PLD1: variants seen among roughly 807,000 people sequenced by gnomAD.
PLD1 encodes the protein choline phosphatase 1.
Under a neutral mutation model 137.1 loss-of-function variants are expected in PLD1, and 112 were observed. That is an observed-to-expected ratio of 0.82 (90% CI 0.70 to 0.96). The LOEUF is 0.96. Ranked by LOEUF, PLD1 falls within the 40% of genes least tolerant of loss-of-function variation. The pLI is 0.00. For missense variants in PLD1, 1,321 were observed against 1,342.0 expected (o/e 0.98, Z 0.24); for synonymous variants, 431 against 454.7 (o/e 0.95, Z 0.66).
rs60146546 is a variant in PLD1 at position 171,808,815 on chromosome 3, A to ATTTTTTTTTTTTTTTTTTTTTTTTTTTTT, written c.-32+1583_-32+1584insAAAAAAAAAAAAAAAAAAAAAAAAAAAAA. On this transcript the variant is annotated intron_variant, in intron 1 of 26. Transcript: ENST00000351298. ...TTTTTCCTCAAAGCCTTAGCATTCAATTTTTTTTTTTTTTTTTTTTTTTTT... is the reference window on the plus strand; with the variant it reads ...TTTTTCCTCAAAGCCTTAGCATTCAATTTTTTTTTTTTTTTTTTTTTTTTTTTTTTTTTTTTTTTTTTTTTTTTTTTTTT... Among the ~76,000 whole-genome samples the ATTTTTTTTTTTTTTTTTTTTTTTTTTTTT allele has an allele frequency of 3.5e-5, 3 of 86,230 alleles. 1 individual carries two copies. The highest frequency in any genetic ancestry group is 1.5e-4 in the Admixed American group (1 of 6,724). 56.6% of individuals were successfully genotyped at this position (86,230 alleles called of 152,430 possible).
At chr3:171,803,079 T>C (rs1723706857) in intron 1 of PLD1, among the ~76,000 whole-genome samples, 1 of 152,162 alleles carries the variant, frequency 6.6e-6, no homozygotes, top group Admixed American at 6.6e-5. Flanking sequence ...CCCAGGTGAT[T>C]TTGTTTAGCC....
At chr3:171,642,221 G>A (rs1159008820) in intron 23 of PLD1, among the ~76,000 whole-genome samples, 1 of 152,078 alleles carries the variant, frequency 6.6e-6, no homozygotes, top group Non-Finnish European at 1.5e-5. Context: ...TTGGGAGGCT[G>A]TGGCGGGTGG....
chr3:171,750,374 C>T (rs900064314), intron 1 of PLD1, among the ~76,000 whole-genome samples: 6 of 151,806 alleles, frequency 4.0e-5, no homozygotes, highest in African/African-American at 1.5e-4. Context: ...AAGAAATGAA[C>T]AGAGCCTTAG....
chr3:171,635,965 C>CTTTTTTTTTTTT lies in PLD1; in HGVS notation c.2593+6863_2593+6874dup, dbSNP rs71178231. On this transcript the variant is annotated intron_variant, in intron 23 of 26. Coordinates refer to ENST00000351298, the MANE Select transcript of PLD1 (RefSeq NM_002662.5). ...ATGGTATGAGGTAGGGGTTCAACTTCTTTTTTTTTTTTTTTTTTTTTTTTT... is the reference window on the plus strand; with the variant it reads ...ATGGTATGAGGTAGGGGTTCAACTTCTTTTTTTTTTTTTTTTTTTTTTTTTTTTTTTTTTTTT... Among the ~76,000 whole-genome samples the CTTTTTTTTTTTT allele has an allele frequency of 6.5e-4, 32 of 49,282 alleles. 2 individuals carry two copies. The highest frequency in any genetic ancestry group is 8.0e-4 in the African/African-American group (14 of 17,464). The allele number at this position is 49,282 out of a possible 152,430, so 32.3% of individuals were successfully genotyped here. A position where few individuals can be genotyped will look rare whatever the true frequency, so the allele number is the denominator to read the frequency against.
At chr3:171,708,249 G>C (rs996140213) in intron 11 of PLD1, among the ~76,000 whole-genome samples, 1 of 152,082 alleles carries the variant, frequency 6.6e-6, no homozygotes, top group Non-Finnish European at 1.5e-5. Context: ...CAACTCTTAT[G>C]GATATTTTTT....
At chr3:171,754,524 T>G (rs1720881302) in intron 1 of PLD1, among the ~76,000 whole-genome samples, 1 of 152,194 alleles carries the variant, frequency 6.6e-6, no homozygotes, top group Admixed American at 6.5e-5. Flanking sequence ...AGTTACTGCC[T>G]TCATATTCAG....
At chr3:171,636,656 T>G (rs762723315) in intron 23 of PLD1, among the ~76,000 whole-genome samples, 2 of 152,090 alleles carry the variant, frequency 1.3e-5, no homozygotes, top group African/African-American at 4.8e-5. Flanking sequence ...TTATCTGTAA[T>G]AGTATGTGTG....
intron 11 of PLD1, 46 bp downstream of exon 11, chr3:171,708,708 TA>T: frequency 1.0e-6 from 1 of 983,632 alleles, no homozygotes; most frequent in Non-Finnish European, 1.7e-6. Flanking sequence ...TGTACATTTC[TA>T]AACATAGAGA....
Position 171,709,608 on chromosome 3 carries a change from T to C in PLD1, c.1013A>G (p.His338Arg), listed in dbSNP as rs1320154960. The change falls in exon 10 of 27, where the codon CAT becomes CGT. Residue 338 changes from histidine (H) to arginine (R), a missense_variant. By Grantham distance (29) the His-to-Arg change is conservative. Transcript: ENST00000351298. ...GATAGCAGCATATGACCCAAATCGA[T>C]GATCTTTGAGAAAGTTGGTGCCATG... ...QKHGTNFLKD[H>R]RFGSYAAIQE... 2 of 1,613,824 alleles carry C rather than the reference T, an allele frequency of 1.2e-6. No homozygotes were observed. Among genetic ancestry groups the C allele is most frequent in the Non-Finnish European group, 1.7e-6 (2 of 1,179,810 alleles).
rs552185404 is a variant in PLD1 at position 171,699,219 on chromosome 3, G to A, written c.1227+526C>T. The stretch of plus-strand genomic sequence containing the variant: ...CACACATTCAATGTTCACCCAGAAT[G>A]TACAGGGTCAACTCCACAGGAAACA... On this transcript the variant is annotated intron_variant, in intron 12 of 26. Transcript: ENST00000351298. 4.9e-4 allele frequency among the ~76,000 whole-genome samples: 74 copies of A among 152,230 alleles called. 1 individual carries two copies. The highest frequency in any genetic ancestry group is 1.6e-3 in the African/African-American group (68 of 41,536).
chr3:171,689,276 T>C (rs772396763), intron 13 of PLD1, among the ~76,000 whole-genome samples: 32 of 152,164 alleles, frequency 2.1e-4, no homozygotes, highest in African/African-American at 7.0e-4. Context: ...ATGAATTATA[T>C]TGATATTTTA....
chr3:171,807,841 G>C (rs1723915762), intron 1 of PLD1, among the ~76,000 whole-genome samples: 1 of 152,176 alleles, frequency 6.6e-6, no homozygotes, highest in Admixed American at 6.5e-5. Context: ...ATCAACTATG[G>C]ACCGGATAAG....
Position 171,714,000 on chromosome 3 carries a change from G to C in PLD1, c.804C>G (p.Asp268Glu). The change falls in exon 9 of 27, where the codon GAC (aspartate) becomes GAG (glutamate). Residue 268 changes from aspartate to glutamate, a missense_variant. Asp to Glu is a conservative substitution (Grantham distance 45). Coordinates refer to ENST00000351298, the MANE Select transcript of PLD1 (RefSeq NM_002662.5). The stretch of plus-strand genomic sequence containing the variant: ...GCAGGACGAAGGCAATGGCACCGCT[G>C]TCTGGTTTCATATACAATAAAAAGG... Reference protein sequence around the residue: ...KDSFLLYMKPDSGAIAFVLLV... With the variant: ...KDSFLLYMKPESGAIAFVLLV... 6.2e-7 allele frequency: 1 copy of C among 1,608,398 alleles called. No individual in the cohort carries two copies. Among genetic ancestry groups the C allele is most frequent in the Non-Finnish European group, 8.5e-7 (1 of 1,174,802 alleles).
At chr3:171,748,965 G>C (rs1331173960) in intron 1 of PLD1, among the ~76,000 whole-genome samples, 2 of 151,608 alleles carry the variant, frequency 1.3e-5, no homozygotes, top group Non-Finnish European at 2.9e-5. Context: ...GGAACTAGCA[G>C]CAACAGTTGG....
Position 171,612,174 on chromosome 3 carries a change from T to C in PLD1, c.2882+105A>G. 1.0e-6 allele frequency: 1 copy of C among 978,174 alleles called. No individual in the cohort carries two copies. The highest frequency in any genetic ancestry group is 1.6e-5 in the South Asian group (1 of 62,352). 60.6% of individuals were successfully genotyped at this position (978,174 alleles called of 1,614,324 possible). ...ATATTCTGGGACACACTGTTTTAGA[T>C]GAAGAAGAACCTAGGATGACCCATG... is the stretch of plus-strand genomic sequence containing the variant. On this transcript the variant is annotated intron_variant, in intron 25 of 26. Transcript: ENST00000351298. This position sits in a 1 kb window ranked among gnomAD's most constrained non-coding sequence, Gnocchi z 4.1.
chr3:171,727,921 A>G (rs1718660529), intron 6 of PLD1, among the ~76,000 whole-genome samples: 1 of 152,210 alleles, frequency 6.6e-6, no homozygotes, highest in South Asian at 2.1e-4. Context: ...TTTGCAGAAA[A>G]TAGGTCTTTA....
intron 25 of PLD1, among the ~76,000 whole-genome samples, chr3:171,611,308 AAAC>A (rs1732637598): frequency 6.6e-6 from 1 of 152,152 alleles, no homozygotes; most frequent in African/African-American, 2.4e-5. Context: ...GGAGCAAGGG[AAAC>A]AGTGAAAGGA....
In PLD1 at chr3:171,601,487, T is replaced by C. The variant is rs1172192468; in HGVS notation, c.*1591A>G. ...CTTTAGCCATATGAAAAATAAGTTA[T>C]TTACTTATAAAAACATTCATTTTTA... On this transcript the variant is annotated 3_prime_UTR_variant, in exon 27 of 27. Coordinates refer to ENST00000351298, the MANE Select transcript of PLD1 (RefSeq NM_002662.5). 1.4e-5 allele frequency: 2 copies of C among 143,598 alleles called. No individual in the cohort carries two copies. The highest frequency in any genetic ancestry group is 6.7e-5 in the Admixed American group (1 of 14,960). 8.9% of individuals were successfully genotyped at this position (143,598 alleles called of 1,614,324 possible).
chr3:171,697,374 A>G (rs955345560), intron 12 of PLD1, among the ~76,000 whole-genome samples: 1 of 150,752 alleles, frequency 6.6e-6, no homozygotes, highest in Non-Finnish European at 1.5e-5. Flanking sequence ...CCTCCCGGGT[A>G]GCTGGGACTA....
Sources: allele counts gnomAD v4.1 joint callset (sites outside exome capture counted in the v4.1 genomes callset), GRCh38; gene constraint gnomAD v4.1.1; non-coding constraint Gnocchi (gnomAD v3.1); transcripts MANE v1.5; gene names NCBI Gene and HGNC (gene_info 2026-07-23, HGNC 2026-07-21).